The following PCDHA10 variants were observed in gnomAD, a reference collection of about 807,000 sequenced individuals.
The protein encoded by PCDHA10 is protocadherin alpha 10, also known as protocadherin alpha-10.
A neutral mutation model predicts 61.2 loss-of-function variants in PCDHA10; 45 were observed. The ratio of observed to expected loss-of-function variants is 0.74; its 90% CI spans 0.58 to 0.94. The LOEUF is 0.94. PCDHA10 is among the 40% of genes least tolerant of loss of function. The probability of loss-of-function intolerance (pLI) is 0.00; values close to 1 mark genes in which losing one functional copy is unlikely to be tolerated. For synonymous variants in PCDHA10, 602 were observed against 548.8 expected, an observed-to-expected ratio of 1.10 and a Z score of -1.35; for missense variants, 1,278 against 1,236.2, an observed-to-expected ratio of 1.03 and a Z score of -0.51.
At chr5:140,894,141 C>G (rs552932940) in intron 1 of PCDHA10, among the ~76,000 whole-genome samples, 169 of 152,150 alleles carry the variant, frequency 1.1e-3, no homozygotes, top group African/African-American at 3.9e-3. Context: ...AAATAATTCC[C>G]TTCTATGTAA....
At chr5:140,986,044 G>A (rs1261726247) in intron 3 of PCDHA10, among the ~76,000 whole-genome samples, 4 of 152,078 alleles carry the variant, frequency 2.6e-5, no homozygotes, top group African/African-American at 9.7e-5. Flanking sequence ...TGGCCTCACT[G>A]ATGAATTCTT....
In PCDHA10 at chr5:140,858,019, G is replaced by C. The variant is rs377389644; in HGVS notation, c.1971G>C (p.Ser657=). Residue 657 remains serine, a synonymous_variant, in exon 1 of 4, where the codon TCG becomes TCC. Coordinates refer to ENST00000307360, the MANE Select transcript of PCDHA10 (RefSeq NM_018901.4). The part of the protein sequence containing the change: ...LVLVKDHGEP[S]LTATATVLVS... Reference sequence around the variant, plus strand: ...TGGTGAAGGACCATGGCGAGCCGTCGCTGACGGCCACGGCCACTGTGCTTG... The same window carrying C: ...TGGTGAAGGACCATGGCGAGCCGTCCCTGACGGCCACGGCCACTGTGCTTG... The C allele has an allele frequency of 1.3e-6, 2 of 1,596,850 alleles. No individual in the cohort carries two copies. Among genetic ancestry groups the C allele is most frequent in the Non-Finnish European group, 1.7e-6 (2 of 1,167,074 alleles).
rs1484271840 is a variant in PCDHA10 at position 140,900,260 on chromosome 5, A to G, written c.2388+41824A>G. Among the ~76,000 whole-genome samples the G allele has an allele frequency of 4.0e-5, 6 of 151,898 alleles. No homozygotes were observed. In the South Asian group the frequency reaches 1.0e-3, roughly 26 times the overall value. ...TTTTTTTATGGCTGAATAGTACTCC[A>G]TTGTGTATATGTACCACACTTTCTT... On this transcript the variant is annotated intron_variant, in intron 1 of 3. Coordinates refer to ENST00000307360, the MANE Select transcript of PCDHA10 (RefSeq NM_018901.4).
intron 1 of PCDHA10, among the ~76,000 whole-genome samples, chr5:140,886,184 G>T (rs894479887): frequency 6.6e-6 from 1 of 151,966 alleles, no homozygotes; most frequent in Admixed American, 6.6e-5. Flanking sequence ...GCCTAATGCT[G>T]GCAAGCAGTA....
intron 1 of PCDHA10, among the ~76,000 whole-genome samples, chr5:140,894,025 A>G (rs1473023847): frequency 1.3e-5 from 2 of 152,232 alleles, no homozygotes; most frequent in Admixed American, 6.5e-5. Flanking sequence ...CCAGTTCTGC[A>G]TACTGGTAAT....
At chr5:141,004,823 TTAGA>T (rs1175791432) in intron 3 of PCDHA10, among the ~76,000 whole-genome samples, 26 of 152,314 alleles carry the variant, frequency 1.7e-4, no homozygotes, top group African/African-American at 5.8e-4. Context: ...TTTGATTAAC[TTAGA>T]TAGATCAAAG....
chr5:140,901,069 T>C (rs1175492593), intron 1 of PCDHA10, among the ~76,000 whole-genome samples: 2 of 152,186 alleles, frequency 1.3e-5, no homozygotes, highest in Admixed American at 6.5e-5. Context: ...GATTTTTTTT[T>C]CTATAGAGTT....
chr5:140,896,485 C>T (rs1259028670), intron 1 of PCDHA10, among the ~76,000 whole-genome samples: 1 of 152,032 alleles, frequency 6.6e-6, no homozygotes, highest in African/African-American at 2.4e-5. Flanking sequence ...GCCTCAGCCT[C>T]CTGAGTAGCT....
At chr5:140,882,113 G>C in intron 1 of PCDHA10, 1 of 1,394,318 alleles carries the variant, frequency 7.2e-7, no homozygotes, top group South Asian at 1.5e-5. Context: ...GAAGAAAGCC[G>C]CCGTTTCTTT....
chr5:141,004,346 G>C (rs2098162740), intron 3 of PCDHA10, among the ~76,000 whole-genome samples: 1 of 152,212 alleles, frequency 6.6e-6, no homozygotes, highest in Non-Finnish European at 1.5e-5. Context: ...GTCTGTGAGG[G>C]ACTGGAGAGA....
chr5:140,860,328 C>G (rs971322066), intron 1 of PCDHA10: 8 of 151,880 alleles, frequency 5.3e-5, no homozygotes, highest in Non-Finnish European at 1.0e-4. Context: ...CTGCAGTGAC[C>G]CATGATTGTG....
At chr5:140,894,259 T>A (rs2064392118) in intron 1 of PCDHA10, among the ~76,000 whole-genome samples, 1 of 152,106 alleles carries the variant, frequency 6.6e-6, no homozygotes. Context: ...TCTTTACAAG[T>A]GGTAGCTTAT....
intron 1 of PCDHA10, chr5:140,927,356 G>C: frequency 6.2e-7 from 1 of 1,614,076 alleles, no homozygotes. Context: ...GACGAGGGAA[G>C]CAATGGGATA....
intron 3 of PCDHA10, among the ~76,000 whole-genome samples, chr5:140,994,578 A>C (rs1563601392): frequency 6.6e-6 from 1 of 151,958 alleles, no homozygotes; most frequent in Non-Finnish European, 1.5e-5. Context: ...GGTGGCATGC[A>C]CTTGTAGTCT....
At chr5:140,973,760 A>T (rs2153800993) in intron 1 of PCDHA10, among the ~76,000 whole-genome samples, 1 of 152,376 alleles carries the variant, frequency 6.6e-6, no homozygotes, top group Admixed American at 6.5e-5. Flanking sequence ...GCAGGGACAC[A>T]GCCTGGCATA....
chr5:140,870,801 G>T (rs1210285882), intron 1 of PCDHA10: 6 of 1,613,670 alleles, frequency 3.7e-6, no homozygotes, highest in Non-Finnish European at 5.1e-6. Context: ...CACTGCTGGC[G>T]ACTCAGGCTG....
chr5:140,891,591 A>T (rs782194139), intron 1 of PCDHA10, among the ~76,000 whole-genome samples: 1 of 152,092 alleles, frequency 6.6e-6, no homozygotes, highest in Non-Finnish European at 1.5e-5. Flanking sequence ...TTATTACTCT[A>T]TCCCATCTAT....
intron 1 of PCDHA10, among the ~76,000 whole-genome samples, chr5:140,937,724 AAC>A (rs2091708035): frequency 6.6e-6 from 1 of 152,064 alleles, no homozygotes; most frequent in Non-Finnish European, 1.5e-5. Flanking sequence ...CATCCTGGCT[AAC>A]ACGGTGAAAC....
chr5:140,979,383 T>C (rs2096847136), intron 2 of PCDHA10, among the ~76,000 whole-genome samples: 1 of 152,220 alleles, frequency 6.6e-6, no homozygotes, highest in Admixed American at 6.5e-5. Context: ...CATTGTGCAA[T>C]GTATACATAC....
Sources: allele counts gnomAD v4.1 joint callset (sites outside exome capture counted in the v4.1 genomes callset), GRCh38; gene constraint gnomAD v4.1.1; transcripts MANE v1.5; gene names NCBI Gene and HGNC (gene_info 2026-07-23, HGNC 2026-07-21).